TENM4: variants seen among roughly 807,000 people sequenced by gnomAD.
TENM4 encodes the protein teneurin transmembrane protein 4, also known as teneurin-4.
Under a neutral mutation model 243.3 loss-of-function variants are expected in TENM4, and 82 were observed. The ratio of observed to expected loss-of-function variants is 0.34; its 90% confidence interval spans 0.28 to 0.40. The LOEUF (loss-of-function observed/expected upper bound fraction) is 0.40, where lower values mean the gene tolerates loss of function less well. Ranked by LOEUF, TENM4 falls within the 10% of genes least tolerant of loss-of-function variation. TENM4 has a pLI of 1.00. For synonymous variants in TENM4, 1,412 were observed against 1,456.3 expected (o/e 0.97, Z 0.69); for missense variants, 3,138 against 3,673.3 (o/e 0.85, Z 3.77).
intron 2 of TENM4, among the ~76,000 whole-genome samples, chr11:79,259,868 G>A (rs949389741): frequency 6.6e-6 from 1 of 152,194 alleles, no homozygotes; most frequent in African/African-American, 2.4e-5. Flanking sequence ...CGCAAGATGG[G>A]TTAATATCAC....
intron 25 of TENM4, 88 bp downstream of exon 25, chr11:78,720,282 C>G (rs1287251609): frequency 3.4e-6 from 5 of 1,458,674 alleles, no homozygotes; most frequent in Non-Finnish European, 4.8e-6. Context: ...TTTTGCCATA[C>G]AGCCATTTGA....
At chr11:78,828,460 C>A (rs908227303) in intron 12 of TENM4, among the ~76,000 whole-genome samples, 4 of 152,202 alleles carry the variant, frequency 2.6e-5, no homozygotes, top group African/African-American at 9.7e-5. Context: ...AGTTGAATAG[C>A]AAGATGGATA....
chr11:78,785,699 GGTA>G (rs757026899), intron 16 of TENM4, among the ~76,000 whole-genome samples: 25 of 152,220 alleles, frequency 1.6e-4, no homozygotes, highest in Middle Eastern at 6.8e-3. Context: ...ATAAATGTAA[GGTA>G]TTCCATGGCC....
intron 1 of TENM4, among the ~76,000 whole-genome samples, chr11:79,321,668 A>C (rs1856893491): frequency 7.4e-6 from 1 of 136,002 alleles, no homozygotes; most frequent in Non-Finnish European, 1.6e-5. Context: ...AAAAAAAGGG[A>C]GAGAGAACTT....
At chr11:79,209,068 A>T (rs1863904821) in intron 3 of TENM4, among the ~76,000 whole-genome samples, 3 of 152,316 alleles carry the variant, frequency 2.0e-5, no homozygotes, top group Non-Finnish European at 4.4e-5. Flanking sequence ...GTTTGGGAGG[A>T]TTTGGTAATT....
intron 2 of TENM4, among the ~76,000 whole-genome samples, chr11:79,263,902 T>A (rs562492998): frequency 6.6e-6 from 1 of 152,300 alleles, no homozygotes; most frequent in East Asian, 1.9e-4. Context: ...TAGACCTCCC[T>A]ATGCATGGCC....
intron 6 of TENM4, among the ~76,000 whole-genome samples, chr11:78,984,239 T>G (rs1449030455): frequency 6.6e-6 from 1 of 152,174 alleles, no homozygotes; most frequent in Non-Finnish European, 1.5e-5. Context: ...ACCTCTGCCT[T>G]GTTACACTCA....
At chr11:79,355,941 G>A (rs985792241) in intron 1 of TENM4, among the ~76,000 whole-genome samples, 5 of 152,160 alleles carry the variant, frequency 3.3e-5, no homozygotes, top group Non-Finnish European at 7.3e-5. Flanking sequence ...CTTCTTATGG[G>A]AGCACATTTC....
intron 2 of TENM4, among the ~76,000 whole-genome samples, chr11:79,237,110 T>C (rs775058277): frequency 5.5e-4 from 84 of 152,206 alleles, no homozygotes; most frequent in Non-Finnish European, 7.8e-4. Context: ...ATAGATTCTG[T>C]TGTCTGAAAC....
At chr11:79,418,404 A>G (rs1244942881) in intron 1 of TENM4, among the ~76,000 whole-genome samples, 1 of 152,228 alleles carries the variant, frequency 6.6e-6, no homozygotes, top group Non-Finnish European at 1.5e-5. Context: ...AACAACAAGA[A>G]TACTGATACT....
chr11:79,318,472 G>GA (rs35793375), intron 1 of TENM4, among the ~76,000 whole-genome samples: 7 of 151,788 alleles, frequency 4.6e-5, no homozygotes, highest in South Asian at 2.1e-4. Context: ...CAGAAGAGGG[G>GA]AAAAAAAAGG....
chr11:78,658,902 C>A, intron 33 of TENM4, 86 bp from the exon 34 acceptor site: 2 of 1,421,282 alleles, frequency 1.4e-6, no homozygotes, highest in South Asian at 1.3e-5. Flanking sequence ...ATAATGAAGT[C>A]AAAACCACAC....
intron 1 of TENM4, among the ~76,000 whole-genome samples, chr11:79,416,188 G>A (rs1031820179): frequency 3.3e-5 from 5 of 152,312 alleles, no homozygotes; most frequent in African/African-American, 1.2e-4. Flanking sequence ...TACAAATAGA[G>A]GTGCCTCAAA....
At chr11:78,815,405 T>C (rs1274664795) in intron 12 of TENM4, among the ~76,000 whole-genome samples, 1 of 152,086 alleles carries the variant, frequency 6.6e-6, no homozygotes, top group Admixed American at 6.5e-5. Context: ...AAAAGTTTTC[T>C]TTCCTATTCC....
intron 11 of TENM4, 29 bp downstream of exon 11, chr11:78,855,935 A>G: frequency 6.5e-7 from 1 of 1,548,122 alleles, no homozygotes; most frequent in African/African-American, 1.4e-5. Flanking sequence ...GCCCATGCAG[A>G]TCAACAGGGT....
At chr11:78,760,248 C>T (rs796376513) in intron 18 of TENM4, among the ~76,000 whole-genome samples, 16 of 152,326 alleles carry the variant, frequency 1.1e-4, no homozygotes, top group African/African-American at 3.1e-4. Flanking sequence ...CCAGCATCCA[C>T]GTCACAGGAC....
intron 2 of TENM4, among the ~76,000 whole-genome samples, chr11:79,248,934 G>A (rs1009171814): frequency 6.6e-6 from 1 of 152,156 alleles, no homozygotes; most frequent in Admixed American, 6.5e-5. Context: ...AGAAGGCCAG[G>A]AAAGAGGAAG....
In TENM4 at chr11:79,440,278, C is replaced by T. The variant is rs1859376215; in HGVS notation, c.-321+231G>A. Among the ~76,000 whole-genome samples the T allele has an allele frequency of 6.6e-6, 1 of 152,024 alleles. No individual in the cohort carries two copies. Among genetic ancestry groups the T allele is most frequent in the South Asian group, 2.1e-4 (1 of 4,824 alleles). On this transcript the variant is annotated intron_variant, in intron 1 of 33. Transcript: ENST00000278550. This position sits in a 1 kb window ranked among gnomAD's most constrained non-coding sequence, Gnocchi z 4.7. ...CCAGGCTCCAGTCCGCGGCGGGCTC[C>T]GGGGGCTGCGGCGGCTCCAGGCTCC...
At chr11:78,982,173 T>C (rs1303970514) in intron 6 of TENM4, among the ~76,000 whole-genome samples, 1 of 152,176 alleles carries the variant, frequency 6.6e-6, no homozygotes, top group African/African-American at 2.4e-5. Flanking sequence ...CCACTTGCCT[T>C]AATCAGTAAT....
Sources: gnomAD v4.1 joint callset for allele counts (sites outside exome capture counted in the v4.1 genomes callset) on GRCh38, gnomAD v4.1.1 for gene constraint, Gnocchi (gnomAD v3.1) non-coding constraint, MANE v1.5 for transcripts, NCBI Gene and HGNC (gene_info 2026-07-23, HGNC 2026-07-21) for gene names.